The following TBC1D8 variants were observed in gnomAD, a reference collection of about 807,000 sequenced individuals.
TBC1D8 encodes BUB2-like protein 1.
TBC1D8 carries 65 observed loss-of-function variants against 118.8 expected under a neutral mutation model. The ratio of observed to expected loss-of-function variants is 0.55; its 90% CI spans 0.45 to 0.67. TBC1D8 has a LOEUF of 0.67. TBC1D8 is among the 30% of genes least tolerant of loss of function. TBC1D8 has a pLI of 0.00. For missense variants in TBC1D8, 1,376 were observed against 1,471.2 expected, an observed-to-expected ratio of 0.94 and a Z score of 1.06; for synonymous variants, 566 against 595.8, an observed-to-expected ratio of 0.95 and a Z score of 0.73.
At position 101,141,859 on chromosome 2, in the gene TBC1D8, G is replaced by A. The variant is rs149843722; in HGVS notation, c.127+9268C>T. 2.2e-3 allele frequency among the ~76,000 whole-genome samples: 324 copies of A among 149,238 alleles called. 3 individuals carry two copies. Among genetic ancestry groups the A allele is most frequent in the East Asian group, 4.2e-3 (21 of 5,036 alleles). ...GCTCATAAAAAAAACTAAAAAAAAGGTAAGCCAACAAAAAAAATGAGCAAA... is the reference window on the plus strand; with the variant it reads ...GCTCATAAAAAAAACTAAAAAAAAGATAAGCCAACAAAAAAAATGAGCAAA... On this transcript the variant is annotated intron_variant, in intron 1 of 19. Transcript: ENST00000409318.
chr2:101,008,409 G>A, intron 19 of TBC1D8, 136 bp from the exon 20 acceptor site: 1 of 717,006 alleles, frequency 1.4e-6, no homozygotes, highest in Non-Finnish European at 2.2e-6. Flanking sequence ...GGTAGTCTCT[G>A]CCTTTCCACT....
At chr2:101,021,588 A>T in intron 17 of TBC1D8, 93 bp downstream of exon 17, 2 of 901,730 alleles carry the variant, frequency 2.2e-6, no homozygotes, top group Non-Finnish European at 3.4e-6. Context: ...GCATAAGTGA[A>T]CTTTAAAAAG....
At chr2:101,065,476 G>A (rs1682965384) in intron 2 of TBC1D8, among the ~76,000 whole-genome samples, 1 of 152,058 alleles carries the variant, frequency 6.6e-6, no homozygotes, top group Non-Finnish European at 1.5e-5. Flanking sequence ...AAATGAAGGA[G>A]GGAAAGGGTT....
At position 101,012,111 on chromosome 2, in the gene TBC1D8, G is replaced by A. The variant is rs74556437; in HGVS notation, c.2828-571C>T. ...ACTGTCAGAACCCTCATATATTGACGATGGGAATATAAACTGGCTCAGCCA... is the reference window on the plus strand; with the variant it reads ...ACTGTCAGAACCCTCATATATTGACAATGGGAATATAAACTGGCTCAGCCA... On this transcript the variant is annotated intron_variant, in intron 17 of 19. Coordinates refer to ENST00000409318, the MANE Select transcript of TBC1D8 (RefSeq NM_001330348.2). Among the ~76,000 whole-genome samples the A allele has an allele frequency of 6.2e-3, 938 of 152,270 alleles. 12 individuals carry two copies. Among genetic ancestry groups the A allele is most frequent in the African/African-American group, 0.022 (908 of 41,562 alleles).
chr2:101,142,191 C>G (rs1273261659), intron 1 of TBC1D8, among the ~76,000 whole-genome samples: 1 of 152,146 alleles, frequency 6.6e-6, no homozygotes, highest in Admixed American at 6.5e-5. Context: ...CATGCACCAC[C>G]ATGCTCTGCT....
intron 1 of TBC1D8, among the ~76,000 whole-genome samples, chr2:101,148,119 C>A (rs977578996): frequency 6.6e-6 from 1 of 152,126 alleles, no homozygotes; most frequent in African/African-American, 2.4e-5. Flanking sequence ...ATGATCCATC[C>A]CCCTCAAAAG....
intron 1 of TBC1D8, among the ~76,000 whole-genome samples, chr2:101,092,990 G>A (rs1226506441): frequency 6.6e-6 from 1 of 152,164 alleles, no homozygotes; most frequent in Admixed American, 6.5e-5. Context: ...TGCACCCTGA[G>A]ACAGCAAGGC....
intron 11 of TBC1D8, among the ~76,000 whole-genome samples, chr2:101,031,870 A>G (rs1457781028): frequency 1.3e-5 from 2 of 152,004 alleles, no homozygotes; most frequent in Non-Finnish European, 2.9e-5. Flanking sequence ...TGAGCTACCG[A>G]GAGGCATCCC....
At chr2:101,114,594 A>G (rs1010823523) in intron 1 of TBC1D8, among the ~76,000 whole-genome samples, 4 of 152,226 alleles carry the variant, frequency 2.6e-5, no homozygotes, top group Admixed American at 6.5e-5. Flanking sequence ...CAACAGTTAC[A>G]TGGTTCTGTT....
intron 1 of TBC1D8, among the ~76,000 whole-genome samples, chr2:101,095,264 A>ATTATTATTATTT (rs1345013087): frequency 6.7e-6 from 1 of 149,814 alleles, no homozygotes; most frequent in Non-Finnish European, 1.5e-5. Context: ...TATTATTATT[A>ATTATTATTATTT]TTATACTTTA....
At chr2:101,019,159 C>T in intron 17 of TBC1D8, 1 of 1,383,724 alleles carries the variant, frequency 7.2e-7, no homozygotes, top group South Asian at 1.3e-5. Context: ...ATTACCCTGG[C>T]AGAGGGCCAG....
At chr2:101,015,021 A>C (rs1679511385) in intron 17 of TBC1D8, among the ~76,000 whole-genome samples, 1 of 152,184 alleles carries the variant, frequency 6.6e-6, no homozygotes, top group South Asian at 2.1e-4. Context: ...GAAATGCATC[A>C]TTAGGTGATT....
intron 1 of TBC1D8, among the ~76,000 whole-genome samples, chr2:101,145,019 T>C (rs796639763): frequency 6.6e-5 from 10 of 152,342 alleles, no homozygotes; most frequent in African/African-American, 2.4e-4. Context: ...AAAATCCTTC[T>C]GCCTTCACTT....
intron 17 of TBC1D8, among the ~76,000 whole-genome samples, chr2:101,020,629 G>C (rs898367799): frequency 6.6e-5 from 10 of 152,222 alleles, no homozygotes; most frequent in Non-Finnish European, 1.5e-4. Flanking sequence ...GCGTGCCTAA[G>C]GTATAAGATG....
intron 1 of TBC1D8, among the ~76,000 whole-genome samples, chr2:101,142,358 G>T (rs570756576): frequency 3.9e-5 from 6 of 152,216 alleles, no homozygotes; most frequent in African/African-American, 1.4e-4. Flanking sequence ...TTATGTGTCG[G>T]GGTGTTTGTT....
intron 1 of TBC1D8, among the ~76,000 whole-genome samples, chr2:101,103,096 A>G (rs1676961711): frequency 6.6e-6 from 1 of 152,108 alleles, no homozygotes; most frequent in Admixed American, 6.5e-5. Flanking sequence ...GCTCTCAAGC[A>G]AAATTTTTCA....
intron 19 of TBC1D8, among the ~76,000 whole-genome samples, chr2:101,008,561 T>TCC (rs1414151198): frequency 1.3e-5 from 2 of 152,130 alleles, no homozygotes; most frequent in Non-Finnish European, 2.9e-5. Context: ...CCGCCTGTAA[T>TCC]CCCAGCACTG....
intron 5 of TBC1D8, among the ~76,000 whole-genome samples, chr2:101,043,397 A>AAG (rs1236366794): frequency 2.0e-5 from 3 of 152,222 alleles, no homozygotes; most frequent in African/African-American, 7.2e-5. Context: ...TGGCTATGTT[A>AAG]GCTTTAACGA....
intron 11 of TBC1D8, among the ~76,000 whole-genome samples, chr2:101,032,007 A>C (rs1205946140): frequency 2.0e-5 from 3 of 152,060 alleles, no homozygotes; most frequent in African/African-American, 7.2e-5. Context: ...TATCCATCTA[A>C]AATTATGTGT....
Sources: allele counts gnomAD v4.1 joint callset (sites outside exome capture counted in the v4.1 genomes callset), GRCh38; gene constraint gnomAD v4.1.1; transcripts MANE v1.5; gene names NCBI Gene and HGNC (gene_info 2026-07-23, HGNC 2026-07-21).